The following CEP63 variants were observed in gnomAD, a reference collection of about 807,000 sequenced individuals.
CEP63 encodes the protein centrosomal protein 63.
CEP63 carries 84 observed loss-of-function variants against 89.1 expected under a neutral mutation model. The observed-to-expected ratio is 0.94, with a 90% CI of 0.79 to 1.13. The LOEUF (loss-of-function observed/expected upper bound fraction) is 1.13. Ranked by LOEUF, CEP63 falls within the 50% of genes most tolerant of loss-of-function variation. CEP63 has a pLI of 0.00. For missense variants in CEP63, 838 were observed against 813.3 expected, an observed-to-expected ratio of 1.03 and a Z score of -0.37; for synonymous variants, 267 against 272.5, an observed-to-expected ratio of 0.98 and a Z score of 0.20.
At chr3:134,634,674 C>T in the CEP63 span, among the ~76,000 whole-genome samples, 1 of 152,180 alleles carries the variant, frequency 6.6e-6, no homozygotes, top group Non-Finnish European at 1.5e-5. Flanking sequence ...GTTTGAACTG[C>T]ACGAGTCCAC....
chr3:134,635,864 A>T, the CEP63 span, among the ~76,000 whole-genome samples: 1 of 152,270 alleles, frequency 6.6e-6, no homozygotes, highest in Non-Finnish European at 1.5e-5. Context: ...CTTCATTTCC[A>T]CATTTAAAAA....
chr3:134,498,113 A>G (rs963445817), intron 2 of CEP63, among the ~76,000 whole-genome samples: 4 of 152,134 alleles, frequency 2.6e-5, no homozygotes, highest in African/African-American at 9.7e-5. Flanking sequence ...AGCATGTCAT[A>G]GGTATTTTGA....
At chr3:134,758,694 T>A in the CEP63 span, among the ~76,000 whole-genome samples, 3 of 152,190 alleles carry the variant, frequency 2.0e-5, no homozygotes, top group Admixed American at 6.5e-5. Context: ...TCTAAGATAG[T>A]CACTTCAAGT....
chr3:134,713,920 T>A, the CEP63 span, among the ~76,000 whole-genome samples: 1 of 152,238 alleles, frequency 6.6e-6, no homozygotes, highest in Non-Finnish European at 1.5e-5. Context: ...AGCTCAGAAC[T>A]GTGCCTGGTG....
chr3:134,687,031 T>C, the CEP63 span, among the ~76,000 whole-genome samples: 95,845 of 152,010 alleles, frequency 0.63, 31,216 homozygotes, highest in East Asian at 0.91. Context: ...TTCAGTAAAC[T>C]TTAGCACAAT....
chr3:134,720,282 A>T, the CEP63 span, among the ~76,000 whole-genome samples: 16 of 152,258 alleles, frequency 1.1e-4, no homozygotes, highest in East Asian at 3.1e-3. Context: ...TGTCTATTCG[A>T]ACTTTTTTCC....
At chr3:134,610,334 C>A in the CEP63 span, 1 of 1,613,626 alleles carries the variant, frequency 6.2e-7, no homozygotes, top group South Asian at 1.1e-5. Context: ...GTCTGGTAGC[C>A]GAAACCCTTG....
At chr3:134,530,780 A>T (rs890440415) in intron 3 of CEP63, among the ~76,000 whole-genome samples, 2 of 152,198 alleles carry the variant, frequency 1.3e-5, no homozygotes, top group Non-Finnish European at 2.9e-5. Context: ...TTACAAAAAT[A>T]AATTCCACTA....
the CEP63 span, among the ~76,000 whole-genome samples, chr3:134,747,032 C>G: frequency 9.9e-5 from 15 of 152,110 alleles, no homozygotes; most frequent in Admixed American, 3.3e-4. Flanking sequence ...CCTAGGTTTT[C>G]TTCTAGGGTT....
At chr3:134,755,016 C>A in the CEP63 span, among the ~76,000 whole-genome samples, 4 of 152,140 alleles carry the variant, frequency 2.6e-5, no homozygotes, top group Non-Finnish European at 5.9e-5. Context: ...GGTCCCTGGG[C>A]AGCTGGGCTT....
the CEP63 span, chr3:134,606,921 C>CA: frequency 1.0e-6 from 1 of 985,160 alleles, no homozygotes; most frequent in Non-Finnish European, 1.2e-6. Context: ...CTGCTCATCT[C>CA]AGTTTCCCTA....
At chr3:134,584,955 G>GGTTTTTTTTTTTTTTT (rs1958446541) in intron 10 of CEP63, among the ~76,000 whole-genome samples, 1 of 21,728 alleles carries the variant, frequency 4.6e-5, no homozygotes, top group Non-Finnish European at 8.6e-5. Context: ...GATTTTCTAG[G>GGTTTTTTTTTTTTTTT]GTTTTTTTTT....
At chr3:134,751,905 A>G in the CEP63 span, among the ~76,000 whole-genome samples, 686 of 152,266 alleles carry the variant, frequency 4.5e-3, 1 homozygote, top group African/African-American at 0.015. Context: ...AGCACTTCTT[A>G]TAGTCCACAA....
the CEP63 span, among the ~76,000 whole-genome samples, chr3:134,651,820 C>A: frequency 0.013 from 1,903 of 152,240 alleles, 33 homozygotes; most frequent in African/African-American, 0.042. Flanking sequence ...ATTTTTAGCC[C>A]GGCCTGGCCT....
the CEP63 span, among the ~76,000 whole-genome samples, chr3:134,726,636 C>T: frequency 6.6e-6 from 1 of 152,104 alleles, no homozygotes; most frequent in South Asian, 2.1e-4. Flanking sequence ...GATCTGAATG[C>T]AAGTACTGGT....
chr3:134,742,183 T>G, the CEP63 span, among the ~76,000 whole-genome samples: 2 of 152,210 alleles, frequency 1.3e-5, no homozygotes, highest in Admixed American at 6.5e-5. Context: ...CCTCTCTCTC[T>G]GATCAGCTAC....
intron 3 of CEP63, among the ~76,000 whole-genome samples, chr3:134,528,323 G>T (rs574575479): frequency 6.6e-6 from 1 of 152,194 alleles, no homozygotes; most frequent in South Asian, 2.1e-4. Flanking sequence ...GCTGTGTCTA[G>T]TCAGCCATCT....
In CEP63 at chr3:134,561,737, A is replaced by T; in HGVS notation, c.*202A>T. On this transcript the variant is annotated 3_prime_UTR_variant, in exon 15 of 15. Transcript: ENST00000675561. ...TTTGTTTAAAGGACTTCTTCCAGCAATAAGTTGAAAGAATAAACCACTTTG... is the reference window on the plus strand; with the variant it reads ...TTTGTTTAAAGGACTTCTTCCAGCATTAAGTTGAAAGAATAAACCACTTTG... 7.2e-7 allele frequency: 1 copy of T among 1,391,750 alleles called. No homozygotes were observed. The highest frequency in any genetic ancestry group is 9.3e-7 in the Non-Finnish European group (1 of 1,075,988). 86.2% of individuals were successfully genotyped at this position (1,391,750 alleles called of 1,614,324 possible). A position where few individuals can be genotyped will look rare whatever the true frequency, so the allele number is the denominator to read the frequency against.
chr3:134,614,896 C>T, the CEP63 span, among the ~76,000 whole-genome samples: 1 of 152,118 alleles, frequency 6.6e-6, no homozygotes, highest in South Asian at 2.1e-4. Context: ...AATCTGATCA[C>T]CTCTCCTAGG....
Sources: gnomAD v4.1 joint callset for allele counts (sites outside exome capture counted in the v4.1 genomes callset) on GRCh38, gnomAD v4.1.1 for gene constraint, MANE v1.5 for transcripts, NCBI Gene and HGNC (gene_info 2026-07-23, HGNC 2026-07-21) for gene names.